The following ENOX1 variants were observed in gnomAD, a reference collection of about 807,000 sequenced individuals.
ENOX1 encodes the protein candidate growth-related and time keeping constitutive hydroquinone (NADH) oxidase.
A neutral mutation model predicts 82.5 loss-of-function variants in ENOX1; 42 were observed. The observed-to-expected ratio is 0.51, with a 90% CI of 0.40 to 0.66. ENOX1 has a LOEUF of 0.66. Ranked by LOEUF, ENOX1 falls within the 30% of genes least tolerant of loss-of-function variation. The pLI is 0.00. For synonymous variants in ENOX1, 271 were observed against 282.2 expected (o/e 0.96, Z 0.40); for missense variants, 608 against 811.6 (o/e 0.75, Z 3.05).
intron 1 of ENOX1, among the ~76,000 whole-genome samples, chr13:43,687,752 GAGAA>G (rs1466038815): frequency 6.6e-6 from 1 of 152,082 alleles, no homozygotes; most frequent in African/African-American, 2.4e-5. Flanking sequence ...CAGTCAGTGG[GAGAA>G]AGAGAGATAA....
chr13:43,474,167 A>T (rs17575122), intron 3 of ENOX1, among the ~76,000 whole-genome samples: 8,892 of 152,194 alleles, frequency 0.058, 352 homozygotes, highest in Middle Eastern at 0.11. Flanking sequence ...ATAGGGGAAA[A>T]TTAGATATTC....
At chr13:43,698,969 T>A (rs1262661414) in intron 1 of ENOX1, among the ~76,000 whole-genome samples, 1 of 152,156 alleles carries the variant, frequency 6.6e-6, no homozygotes. Context: ...GGCACTGATA[T>A]CCAACATTTC....
intron 5 of ENOX1, among the ~76,000 whole-genome samples, chr13:43,401,721 C>T (rs1172651472): frequency 6.6e-6 from 1 of 152,092 alleles, no homozygotes; most frequent in Admixed American, 6.6e-5. Flanking sequence ...TTCTCGAGAT[C>T]CAGAGAGAAG....
At chr13:43,333,623 T>C (rs1159318477) in intron 9 of ENOX1, among the ~76,000 whole-genome samples, 1 of 152,196 alleles carries the variant, frequency 6.6e-6, no homozygotes, top group Non-Finnish European at 1.5e-5. Flanking sequence ...ATAATGGTAA[T>C]AGGAGATTTC....
intron 1 of ENOX1, among the ~76,000 whole-genome samples, chr13:43,696,621 T>C (rs976554176): frequency 6.6e-6 from 1 of 152,192 alleles, no homozygotes; most frequent in African/African-American, 2.4e-5. Flanking sequence ...TTAGCAATGA[T>C]ACCTGGAGTT....
At chr13:43,594,076 C>T (rs1404672545) in intron 2 of ENOX1, among the ~76,000 whole-genome samples, 1 of 152,158 alleles carries the variant, frequency 6.6e-6, no homozygotes, top group Non-Finnish European at 1.5e-5. Context: ...TAAACTCTTC[C>T]AAGATGCACA....
intron 2 of ENOX1, among the ~76,000 whole-genome samples, chr13:43,525,321 T>C (rs768962887): frequency 1.3e-5 from 2 of 152,180 alleles, no homozygotes; most frequent in Non-Finnish European, 2.9e-5. Flanking sequence ...TCTATGAATG[T>C]GACTACTCTA....
chr13:43,395,949 G>C (rs1315464415), intron 5 of ENOX1, among the ~76,000 whole-genome samples: 1 of 152,122 alleles, frequency 6.6e-6, no homozygotes, highest in Non-Finnish European at 1.5e-5. Context: ...AAATCAGATA[G>C]AGCCATGATG....
At position 43,267,690 on chromosome 13, in the gene ENOX1, ATGGAAAGAAACC is replaced by A. The variant is rs529566541; in HGVS notation, c.1554+1768_1554+1779del. ...CACATCTGTGTGTGGGTACAGGGACATGGAAAGAAACCTGTACCCTGCATGGCCCCTTTTGCA... is the reference window on the plus strand; with the variant it reads ...CACATCTGTGTGTGGGTACAGGGACATGTACCCTGCATGGCCCCTTTTGCA... On this transcript the variant is annotated intron_variant, in intron 13 of 16. Coordinates refer to ENST00000690772, the MANE Select transcript of ENOX1 (RefSeq NM_001347969.2). 1.2e-4 allele frequency among the ~76,000 whole-genome samples: 18 copies of A among 152,342 alleles called. No individual in the cohort carries two copies. The South Asian group carries it at 3.7e-3, about 32-fold the overall frequency.
At chr13:43,335,382 CAATTT>C (rs1024778877) in intron 9 of ENOX1, among the ~76,000 whole-genome samples, 24 of 152,180 alleles carry the variant, frequency 1.6e-4, no homozygotes, top group Non-Finnish European at 3.1e-4. Flanking sequence ...TACTTTTCCT[CAATTT>C]GAAAGTGTCT....
At chr13:43,700,394 G>A (rs556265099) in intron 1 of ENOX1, among the ~76,000 whole-genome samples, 63 of 152,202 alleles carry the variant, frequency 4.1e-4, no homozygotes, top group African/African-American at 1.3e-3. Flanking sequence ...AGCATGTCTC[G>A]CTTTATACAT....
intron 8 of ENOX1, 52 bp from the exon 9 acceptor site, chr13:43,344,802 C>A: frequency 6.4e-7 from 1 of 1,555,850 alleles, no homozygotes; most frequent in Non-Finnish European, 8.9e-7. Context: ...AGAAAATACA[C>A]TTTATTCTTG....
At chr13:43,782,798 C>A (rs1003962609) in intron 1 of ENOX1, among the ~76,000 whole-genome samples, 1 of 152,076 alleles carries the variant, frequency 6.6e-6, no homozygotes, top group Non-Finnish European at 1.5e-5. Context: ...ATATATGATC[C>A]AAGTTTTCCA....
chr13:43,407,284 C>T (rs1024998776), intron 5 of ENOX1, among the ~76,000 whole-genome samples: 31 of 152,168 alleles, frequency 2.0e-4, no homozygotes, highest in African/African-American at 7.0e-4. Context: ...GGGAGTGACA[C>T]TGTTCAGCAC....
At chr13:43,661,804 T>C (rs1180494234) in intron 2 of ENOX1, among the ~76,000 whole-genome samples, 1 of 152,208 alleles carries the variant, frequency 6.6e-6, no homozygotes, top group Non-Finnish European at 1.5e-5. Flanking sequence ...TACAGTGAAG[T>C]AGTTTTTAAA....
At chr13:43,465,037 G>T (rs947349747) in intron 3 of ENOX1, among the ~76,000 whole-genome samples, 3 of 152,148 alleles carry the variant, frequency 2.0e-5, no homozygotes, top group Non-Finnish European at 2.9e-5. Context: ...ACATCAGGGG[G>T]CAGGCAAATG....
intron 3 of ENOX1, among the ~76,000 whole-genome samples, chr13:43,453,419 T>C (rs1029099548): frequency 1.2e-4 from 19 of 152,240 alleles, no homozygotes; most frequent in African/African-American, 4.1e-4. Flanking sequence ...ATTCTAGTGA[T>C]GTTTATTTTT....
At chr13:43,262,418 T>C (rs1030519162) in intron 14 of ENOX1, among the ~76,000 whole-genome samples, 1 of 152,214 alleles carries the variant, frequency 6.6e-6, no homozygotes, top group African/African-American at 2.4e-5. Context: ...TAAATAATTA[T>C]AATGAAAAAT....
At chr13:43,303,202 G>A (rs1458688651) in intron 11 of ENOX1, among the ~76,000 whole-genome samples, 1 of 152,202 alleles carries the variant, frequency 6.6e-6, no homozygotes, top group Non-Finnish European at 1.5e-5. Context: ...ACACAGGAGG[G>A]CAGAGGCAGG....
Sources: gnomAD v4.1 joint callset for allele counts (sites outside exome capture counted in the v4.1 genomes callset) on GRCh38, gnomAD v4.1.1 for gene constraint, MANE v1.5 for transcripts, NCBI Gene and HGNC (gene_info 2026-07-23, HGNC 2026-07-21) for gene names.